The following CUX2 variants were observed in gnomAD, a reference collection of about 807,000 sequenced individuals.
The protein encoded by CUX2 is cut like homeobox 2.
In CUX2, 40 loss-of-function variants were observed where a neutral mutation model predicts 144.8. The observed-to-expected ratio is 0.28, with a 90% CI of 0.21 to 0.36. CUX2 has a LOEUF of 0.36. CUX2 is among the 10% of genes least tolerant of loss of function. The pLI, the probability that CUX2 is intolerant of heterozygous loss-of-function variation, is 1.00. For missense variants in CUX2, 1,615 were observed against 1,994.0 expected (o/e 0.81, Z 3.62); for synonymous variants, 827 against 875.6 (o/e 0.94, Z 0.98).
At chr12:111,100,107 A>T (rs1052702331) in intron 1 of CUX2, 1 of 455,772 alleles carries the variant, frequency 2.2e-6, no homozygotes, top group Non-Finnish European at 4.4e-6. Flanking sequence ...AGGAGGCAGG[A>T]GCTGCCCAGG....
intron 1 of CUX2, among the ~76,000 whole-genome samples, chr12:111,041,582 G>C (rs1869743141): frequency 6.6e-6 from 1 of 152,220 alleles, no homozygotes; most frequent in Admixed American, 6.5e-5. Flanking sequence ...TAAGTTGTCA[G>C]CATTTAAAAC....
At chr12:111,164,012 A>G (rs1440355881) in intron 1 of CUX2, among the ~76,000 whole-genome samples, 2 of 152,174 alleles carry the variant, frequency 1.3e-5, no homozygotes, top group Non-Finnish European at 2.9e-5. Context: ...GGGGCTAATC[A>G]TTGGACCTAG....
chr12:111,170,545 CTTTTT>C (rs34282526), intron 1 of CUX2, among the ~76,000 whole-genome samples: 8 of 79,946 alleles, frequency 1.0e-4, no homozygotes, highest in East Asian at 4.6e-4. Context: ...CCCAGCTCTT[CTTTTT>C]TTTTTTTTTT....
At chr12:111,159,355 A>G (rs1877608733) in intron 1 of CUX2, among the ~76,000 whole-genome samples, 1 of 149,022 alleles carries the variant, frequency 6.7e-6, no homozygotes, top group African/African-American at 2.5e-5. Context: ...TCACTACATT[A>G]CCCAGACTGG....
At chr12:111,211,291 G>T (rs1437402846) in intron 1 of CUX2, among the ~76,000 whole-genome samples, 2 of 152,160 alleles carry the variant, frequency 1.3e-5, no homozygotes, top group African/African-American at 4.8e-5. Context: ...TTGCAGTGGG[G>T]TCAGGGTGAG....
At chr12:111,328,952 T>TCTCTCTCTCTCTCTCTCTCTCC in intron 18 of CUX2, among the ~76,000 whole-genome samples, 1 of 95,656 alleles carries the variant, frequency 1.0e-5, no homozygotes. Flanking sequence ...TCTCTCTCTC[T>TCTCTCTCTCTCTCTCTCTCTCC]CTCTCTCTCT....
chr12:111,309,952 C>G, intron 14 of CUX2, 89 bp from the exon 15 acceptor site: 15 of 1,141,306 alleles, frequency 1.3e-5, no homozygotes, highest in Non-Finnish European at 1.7e-5. Flanking sequence ...TGTCTCTCTC[C>G]CCCTCTGGTT....
At chr12:111,090,522 C>T (rs970012225) in intron 1 of CUX2, among the ~76,000 whole-genome samples, 2 of 152,162 alleles carry the variant, frequency 1.3e-5, no homozygotes, top group Admixed American at 1.3e-4. Context: ...GCCTCAGCCT[C>T]CCAAAATGTT....
intron 1 of CUX2, among the ~76,000 whole-genome samples, chr12:111,134,355 A>G (rs1367124529): frequency 1.3e-5 from 2 of 152,218 alleles, no homozygotes; most frequent in East Asian, 1.9e-4. Flanking sequence ...TGGAATATCT[A>G]TTGGAGATAG....
intron 1 of CUX2, among the ~76,000 whole-genome samples, chr12:111,090,025 G>A (rs968553832): frequency 6.6e-6 from 1 of 152,176 alleles, no homozygotes; most frequent in Non-Finnish European, 1.5e-5. Context: ...GTGCAGTGGA[G>A]GGGAGCAGAG....
At chr12:111,218,804 C>T (rs1881691044) in intron 3 of CUX2, among the ~76,000 whole-genome samples, 1 of 152,206 alleles carries the variant, frequency 6.6e-6, no homozygotes, top group African/African-American at 2.4e-5. Flanking sequence ...CCTTTGCTGT[C>T]CTCAGTAAAT....
intron 9 of CUX2, among the ~76,000 whole-genome samples, chr12:111,303,865 G>A (rs916934588): frequency 3.9e-5 from 6 of 152,126 alleles, no homozygotes; most frequent in African/African-American, 1.4e-4. Flanking sequence ...AAACCTGCCA[G>A]TCCCACCCAG....
chr12:111,087,909 T>C (rs1213342770), intron 1 of CUX2, among the ~76,000 whole-genome samples: 2 of 152,184 alleles, frequency 1.3e-5, no homozygotes, highest in Non-Finnish European at 2.9e-5. Flanking sequence ...CCAGATGTCC[T>C]TCACCAGGCC....
intron 1 of CUX2, among the ~76,000 whole-genome samples, chr12:111,043,392 A>G (rs1869840983): frequency 6.6e-6 from 1 of 152,168 alleles, no homozygotes; most frequent in Non-Finnish European, 1.5e-5. Context: ...AGGGTGGAAG[A>G]ATTGTGCCTC....
chr12:111,299,631 T>G (rs554105647), intron 9 of CUX2, among the ~76,000 whole-genome samples: 1 of 152,306 alleles, frequency 6.6e-6, no homozygotes, highest in South Asian at 2.1e-4. Context: ...TGAGCTTAGG[T>G]CCAGCATATT....
rs573918990 is a variant in CUX2, at chr12:111,313,461, G to A, written c.2002+1260G>A. Among the ~76,000 whole-genome samples, 19 of 149,724 alleles carry A rather than the reference G, an allele frequency of 1.3e-4. No individual in the cohort carries two copies. In the South Asian group the frequency reaches 3.8e-3, roughly 30 times the overall value. ...TAGAGACAAGCCTGCCCAACATGGC[G>A]AAACCCTGTCTCTACTAAACATACA... On this transcript the variant is annotated intron_variant, in intron 16 of 21. Coordinates refer to ENST00000261726, the MANE Select transcript of CUX2 (RefSeq NM_015267.4).
At chr12:111,331,672 A>G (rs530455343) in intron 18 of CUX2, among the ~76,000 whole-genome samples, 2 of 152,244 alleles carry the variant, frequency 1.3e-5, no homozygotes, top group Admixed American at 6.5e-5. Context: ...TTATGGCCCC[A>G]TTTAACAGAT....
At position 111,310,709 on chromosome 12, in the gene CUX2, G is replaced by C. The variant is rs374941815; in HGVS notation, c.1900+27G>C. The C allele has an allele frequency of 6.4e-7, 1 of 1,557,320 alleles. No individual in the cohort carries two copies. On this transcript the variant is annotated intron_variant, in intron 15 of 21. Transcript: ENST00000261726. This position sits in a 1 kb window ranked among gnomAD's most constrained non-coding sequence, Gnocchi z 7.9. ...TGAGTGCCCAAGAGGGCCCGTCCCCGCTGGCCACCACGCCAGGTCCAGGGC... is the reference window on the plus strand; with the variant it reads ...TGAGTGCCCAAGAGGGCCCGTCCCCCCTGGCCACCACGCCAGGTCCAGGGC...
chr12:111,304,761 G>A lies in CUX2; in HGVS notation c.858+447G>A, dbSNP rs11065858. Among the ~76,000 whole-genome samples the A allele has an allele frequency of 0.051, 7,742 of 152,188 alleles. 527 individuals are homozygous for A. Among genetic ancestry groups the A allele is most frequent in the African/African-American group, 0.16 (6,559 of 41,482 alleles). ...CCACCAGGTGTCGCTGTTGAACACC[G>A]GTCATAGCAGCTTTGTGCATGCTTG... On this transcript the variant is annotated intron_variant, in intron 10 of 21. Transcript: ENST00000261726. This position sits in a 1 kb window ranked among gnomAD's most constrained non-coding sequence, Gnocchi z 4.7.
Sources: gnomAD v4.1 joint callset for allele counts (sites outside exome capture counted in the v4.1 genomes callset) on GRCh38, gnomAD v4.1.1 for gene constraint, Gnocchi (gnomAD v3.1) non-coding constraint, MANE v1.5 for transcripts, NCBI Gene and HGNC (gene_info 2026-07-23, HGNC 2026-07-21) for gene names.